PRKG1: variants seen among roughly 807,000 people sequenced by gnomAD.
PRKG1 encodes the protein protein kinase cGMP-dependent 1, also known as cGMP-dependent protein kinase 1.
A neutral mutation model predicts 88.1 loss-of-function variants in PRKG1; 35 were observed. That is an observed-to-expected ratio of 0.40 (90% CI 0.30 to 0.53). The LOEUF (loss-of-function observed/expected upper bound fraction) is 0.53. Ranked by LOEUF, PRKG1 falls within the 20% of genes least tolerant of loss-of-function variation. PRKG1 has a pLI of 0.59. For synonymous variants in PRKG1, 303 were observed against 292.5 expected (o/e 1.04, Z -0.37); for missense variants, 540 against 839.8 (o/e 0.64, Z 4.41).
chr10:51,459,209 C>CA (rs1432228630), intron 2 of PRKG1, among the ~76,000 whole-genome samples: 1 of 152,088 alleles, frequency 6.6e-6, no homozygotes, highest in Non-Finnish European at 1.5e-5. Flanking sequence ...CATCTTCCCC[C>CA]AAACCCCTCA....
chr10:51,303,530 G>T (rs1258186137), intron 2 of PRKG1, among the ~76,000 whole-genome samples: 2 of 151,530 alleles, frequency 1.3e-5, no homozygotes, highest in African/African-American at 4.9e-5. Flanking sequence ...TCAATGATTA[G>T]CAATTACTGC....
At chr10:51,690,426 G>T (rs1364656768) in intron 3 of PRKG1, among the ~76,000 whole-genome samples, 2 of 152,140 alleles carry the variant, frequency 1.3e-5, no homozygotes, top group Admixed American at 1.3e-4. Flanking sequence ...GAAATAACAT[G>T]ATCTGGTTAA....
rs745824391 is a variant in PRKG1 at position 51,699,372 on chromosome 10, C to T, written c.593-105213C>T. The T allele has an allele frequency of 4.3e-6, 7 of 1,614,158 alleles. No homozygotes were observed. In the South Asian group the frequency reaches 7.7e-5, roughly 18 times the overall value. On this transcript the variant is annotated intron_variant, in intron 3 of 17. Coordinates refer to ENST00000373980, the MANE Select transcript of PRKG1 (RefSeq NM_006258.4). ...TCCTGGTCTTGGTATTCGCAGAAGC[C>T]ATAGCCCTTGGGTTTTCCCGTCTCT...
At chr10:50,993,961 A>G (rs1842807946) in intron 1 of PRKG1, among the ~76,000 whole-genome samples, 1 of 152,118 alleles carries the variant, frequency 6.6e-6, no homozygotes, top group African/African-American at 2.4e-5. Flanking sequence ...ATTCATCATG[A>G]GTGGATCATG....
At chr10:51,980,666 T>C (rs1286728988) in intron 5 of PRKG1, among the ~76,000 whole-genome samples, 3 of 152,238 alleles carry the variant, frequency 2.0e-5, no homozygotes, top group Non-Finnish European at 2.9e-5. Context: ...TGGGTGCTCC[T>C]CTGTTGGGCA....
At chr10:51,202,832 T>G (rs1309884866) in intron 2 of PRKG1, among the ~76,000 whole-genome samples, 2 of 152,056 alleles carry the variant, frequency 1.3e-5, no homozygotes, top group Non-Finnish European at 2.9e-5. Flanking sequence ...TAGGATAAGG[T>G]GTTTATTTTT....
intron 4 of PRKG1, among the ~76,000 whole-genome samples, chr10:51,834,140 T>C (rs1216906427): frequency 1.3e-5 from 2 of 152,294 alleles, no homozygotes; most frequent in African/African-American, 4.8e-5. Context: ...ACTTATTTTC[T>C]TGTACTTTAG....
chr10:51,010,871 G>A lies in PRKG1; in HGVS notation c.266+19227G>A, dbSNP rs190594198. ...AATTTACATTTTTGTTGAATTTACA[G>A]CAAACTTAATTTATAGCCACGCAAA... On this transcript the variant is annotated intron_variant, in intron 1 of 17. Transcript: ENST00000401604. 1.9e-3 allele frequency among the ~76,000 whole-genome samples: 289 copies of A among 152,266 alleles called. 1 individual carries two copies. The Middle Eastern group carries it at 0.02, about 11-fold the overall frequency.
chr10:51,182,558 C>T (rs1837374994), intron 2 of PRKG1, among the ~76,000 whole-genome samples: 1 of 152,182 alleles, frequency 6.6e-6, no homozygotes, highest in African/African-American at 2.4e-5. Flanking sequence ...ATATTTATAA[C>T]TGATAGCATG....
chr10:52,284,002 A>G (rs987639975), intron 14 of PRKG1, among the ~76,000 whole-genome samples: 2 of 151,962 alleles, frequency 1.3e-5, no homozygotes, highest in African/African-American at 4.8e-5. Context: ...TTTATTCATT[A>G]AGTAATAAGG....
intron 3 of PRKG1, among the ~76,000 whole-genome samples, chr10:51,492,102 C>T (rs1354442000): frequency 6.6e-6 from 1 of 152,076 alleles, no homozygotes; most frequent in African/African-American, 2.4e-5. Flanking sequence ...TTTTGCTCAA[C>T]CATGATGTGT....
intron 4 of PRKG1, among the ~76,000 whole-genome samples, chr10:51,822,348 T>G (rs1045601900): frequency 6.6e-6 from 1 of 152,060 alleles, no homozygotes; most frequent in African/African-American, 2.4e-5. Context: ...TAATCCTACT[T>G]AAGTGTAGAA....
chr10:51,561,536 G>A (rs888779975), intron 3 of PRKG1, among the ~76,000 whole-genome samples: 11 of 151,918 alleles, frequency 7.2e-5, no homozygotes, highest in African/African-American at 2.7e-4. Flanking sequence ...TTGTTTCTAT[G>A]TTATAGATGA....
chr10:51,840,005 A>G (rs1840230335), intron 4 of PRKG1, among the ~76,000 whole-genome samples: 1 of 152,220 alleles, frequency 6.6e-6, no homozygotes, highest in Non-Finnish European at 1.5e-5. Flanking sequence ...GGCATTTCAA[A>G]TCTAGTTTTA....
Position 52,260,591 on chromosome 10 carries a change from C to A in PRKG1, c.1173+8925C>A, listed in dbSNP as rs937797412. Among the ~76,000 whole-genome samples the A allele has an allele frequency of 1.5e-4, 23 of 152,190 alleles. 1 individual carries two copies. Among genetic ancestry groups the A allele is most frequent in the African/African-American group, 5.5e-4 (23 of 41,554 alleles). The stretch of plus-strand genomic sequence containing the variant: ...ATAAATTGAATCTATGTGAGCTATT[C>A]ATGTGCTCAATTTAAAATATGTAAA... On this transcript the variant is annotated intron_variant, in intron 10 of 17. Coordinates refer to ENST00000373980, the MANE Select transcript of PRKG1 (RefSeq NM_006258.4).
intron 3 of PRKG1, among the ~76,000 whole-genome samples, chr10:51,598,196 A>C (rs771231156): frequency 1.3e-5 from 2 of 152,076 alleles, no homozygotes; most frequent in Non-Finnish European, 2.9e-5. Flanking sequence ...ATCTACTAGC[A>C]TCTAAAGACT....
chr10:51,010,950 A>G (rs1028668496), intron 1 of PRKG1, among the ~76,000 whole-genome samples: 1 of 152,198 alleles, frequency 6.6e-6, no homozygotes, highest in African/African-American at 2.4e-5. Flanking sequence ...CTTAGATAAT[A>G]TGTACAGATT....
intron 7 of PRKG1, among the ~76,000 whole-genome samples, chr10:52,120,442 C>T (rs922193892): frequency 6.6e-6 from 1 of 152,112 alleles, no homozygotes; most frequent in Admixed American, 6.6e-5. Flanking sequence ...GGATGAGACT[C>T]AAGGCATGAT....
chr10:52,014,501 T>C (rs187096284), intron 5 of PRKG1, among the ~76,000 whole-genome samples: 3 of 152,178 alleles, frequency 2.0e-5, no homozygotes, highest in Non-Finnish European at 2.9e-5. Context: ...GATATTTGGG[T>C]GGGGACACAG....
Sources: gnomAD v4.1 joint callset for allele counts (sites outside exome capture counted in the v4.1 genomes callset) on GRCh38, gnomAD v4.1.1 for gene constraint, MANE v1.5 for transcripts, NCBI Gene and HGNC (gene_info 2026-07-23, HGNC 2026-07-21) for gene names.